The following CSMD1 variants were observed in gnomAD, a reference collection of about 807,000 sequenced individuals.
CSMD1 encodes CUB and Sushi multiple domains 1, also known as CUB and sushi domain-containing protein 1.
Under a neutral mutation model 417.5 loss-of-function variants are expected in CSMD1, and 213 were observed. The ratio of observed to expected loss-of-function variants is 0.51; its 90% CI spans 0.46 to 0.57. The LOEUF is 0.57. Among genes scored for constraint, CSMD1 ranks in the 20% least tolerant of loss-of-function variants. The pLI is 0.00. For synonymous variants in CSMD1, 2,862 were observed against 1,736.8 expected (o/e 1.65, Z -16.11); for missense variants, 6,923 against 4,529.7 (o/e 1.53, Z -15.17).
chr8:4,151,605 G>C (rs1464637669), intron 3 of CSMD1, among the ~76,000 whole-genome samples: 3 of 152,090 alleles, frequency 2.0e-5, no homozygotes, highest in Admixed American at 6.6e-5. Flanking sequence ...GTTTCTCATG[G>C]ATTGTGACAT....
At chr8:3,712,396 GAGAGACAGACAGACAGACAGACAGAC>G (rs1259118236) in intron 6 of CSMD1, among the ~76,000 whole-genome samples, 1 of 63,924 alleles carries the variant, frequency 1.6e-5, no homozygotes, top group Non-Finnish European at 3.3e-5. Flanking sequence ...GAGAGAGAGA[GAGAGACAGACAGACAGACAGACAGAC>G]AGACAGACAG....
chr8:4,116,968 G>A (rs73658582), intron 3 of CSMD1, among the ~76,000 whole-genome samples: 29,252 of 151,942 alleles, frequency 0.19, 2,987 homozygotes, highest in East Asian at 0.33. Flanking sequence ...AGGCTGGTAA[G>A]AGGCTACACC....
chr8:4,138,787 C>G (rs924651122), intron 3 of CSMD1, among the ~76,000 whole-genome samples: 4 of 152,112 alleles, frequency 2.6e-5, no homozygotes, highest in African/African-American at 9.7e-5. Flanking sequence ...ACACTATGAA[C>G]AGTGGCTTTC....
intron 5 of CSMD1, among the ~76,000 whole-genome samples, chr8:3,893,339 T>TTTTATATATATATATATATATATATA (rs1554476820): frequency 1.9e-4 from 15 of 80,458 alleles, no homozygotes; most frequent in South Asian, 1.1e-3. Context: ...ATTCACAATT[T>TTTTATATATATATATATATATATATA]TATATATATA....
chr8:4,373,132 C>A (rs1285152292), intron 3 of CSMD1, among the ~76,000 whole-genome samples: 3 of 152,150 alleles, frequency 2.0e-5, no homozygotes, highest in African/African-American at 7.2e-5. Flanking sequence ...AGAAAAACAT[C>A]AGACACCTCC....
intron 3 of CSMD1, among the ~76,000 whole-genome samples, chr8:4,227,659 C>G (rs180750728): frequency 6.6e-6 from 1 of 152,126 alleles, no homozygotes; most frequent in African/African-American, 2.4e-5. Flanking sequence ...GCCAGTGATC[C>G]TCCTGGCAGA....
intron 2 of CSMD1, among the ~76,000 whole-genome samples, chr8:4,456,776 C>A (rs140384314): frequency 6.6e-6 from 1 of 152,228 alleles, no homozygotes; most frequent in Non-Finnish European, 1.5e-5. Flanking sequence ...ACCCATCTGA[C>A]AACCTACGAG....
intron 1 of CSMD1, among the ~76,000 whole-genome samples, chr8:4,949,466 G>C (rs1038301529): frequency 9.9e-5 from 15 of 152,118 alleles, no homozygotes; most frequent in African/African-American, 3.6e-4. Context: ...TTCAACCACT[G>C]CCTCATCTAA....
chr8:3,880,298 T>A (rs928066576), intron 5 of CSMD1, among the ~76,000 whole-genome samples: 1 of 152,198 alleles, frequency 6.6e-6, no homozygotes, highest in Non-Finnish European at 1.5e-5. Context: ...TGATATTAGA[T>A]TACATTTTTC....
chr8:4,358,460 G>C (rs1032280579), intron 3 of CSMD1, among the ~76,000 whole-genome samples: 3 of 152,206 alleles, frequency 2.0e-5, no homozygotes, highest in Admixed American at 6.5e-5. Context: ...CCTGGGGGGA[G>C]CTGCCACTGG....
chr8:3,031,188 T>C (rs1810316992), intron 50 of CSMD1, among the ~76,000 whole-genome samples: 1 of 151,758 alleles, frequency 6.6e-6, no homozygotes, highest in South Asian at 2.1e-4. Flanking sequence ...TCTGACTGCA[T>C]ATTTCAAATA....
At position 3,246,869 on chromosome 8, in the gene CSMD1, A is replaced by G. The variant is rs139666688; in HGVS notation, c.4154-16638T>C. Reference sequence around the variant, plus strand: ...CATGGTGCCATTTTAGCGGTTGATTAAAAATTTTTGGAATTAGAGTTCCAA... The same window carrying G: ...CATGGTGCCATTTTAGCGGTTGATTGAAAATTTTTGGAATTAGAGTTCCAA... On this transcript the variant is annotated intron_variant, in intron 26 of 69. Coordinates refer to ENST00000635120, the MANE Select transcript of CSMD1 (RefSeq NM_033225.6). Among the ~76,000 whole-genome samples, 85 of 152,366 alleles carry G rather than the reference A, an allele frequency of 5.6e-4. 1 individual carries two copies. In the East Asian group the frequency reaches 0.015, roughly 28 times the overall value.
At chr8:4,635,289 C>G (rs1447098846) in intron 2 of CSMD1, among the ~76,000 whole-genome samples, 3 of 152,236 alleles carry the variant, frequency 2.0e-5, no homozygotes, top group South Asian at 4.2e-4. Context: ...CACTCAAACT[C>G]CAAAATGAAA....
chr8:3,308,475 C>A lies in CSMD1; in HGVS notation c.3660G>T (p.Pro1220=), dbSNP rs181192444. The A allele has an allele frequency of 1.1e-5, 18 of 1,612,950 alleles. No individual in the cohort carries two copies. Among genetic ancestry groups the A allele is most frequent in the Non-Finnish European group, 1.4e-5 (16 of 1,179,326 alleles). The part of the protein sequence containing the change: ...TSFDLVKCED[P]GIPNYGYRIR... ...TCCTATAGCCGTAGTTAGGGATGCCCGGATCCTCACATTTTACCAGATCAA... is the reference window on the plus strand; with the variant it reads ...TCCTATAGCCGTAGTTAGGGATGCCAGGATCCTCACATTTTACCAGATCAA... Residue 1220 remains proline, a synonymous_variant, in exon 24 of 70, where the codon CCG becomes CCT. Transcript: ENST00000635120.
chr8:3,970,372 A>G (rs1472649071), intron 5 of CSMD1, among the ~76,000 whole-genome samples: 2 of 152,192 alleles, frequency 1.3e-5, no homozygotes, highest in Non-Finnish European at 2.9e-5. Flanking sequence ...TGCAACTCCG[A>G]CCAAACAGTA....
In CSMD1 at chr8:4,363,759, A is replaced by G. The variant is rs74419508; in HGVS notation, c.415+56194T>C. On this transcript the variant is annotated intron_variant, in intron 3 of 69. Transcript: ENST00000635120. ...TGCAAAAGACAGGATCTCATTTTTC[A>G]TGGCTGAATAGTACTCCACTATGTA... 6.6e-5 allele frequency among the ~76,000 whole-genome samples: 10 copies of G among 152,276 alleles called. No homozygotes were observed. In the East Asian group the frequency reaches 1.7e-3, roughly 26 times the overall value.
chr8:3,100,621 T>A (rs1354398582), intron 46 of CSMD1, among the ~76,000 whole-genome samples: 5 of 152,174 alleles, frequency 3.3e-5, no homozygotes, highest in Non-Finnish European at 7.3e-5. Flanking sequence ...CTTGCCTCTC[T>A]CAGACATCAC....
chr8:3,205,033 G>A (rs1205646593), intron 31 of CSMD1, among the ~76,000 whole-genome samples: 3 of 152,188 alleles, frequency 2.0e-5, no homozygotes, highest in Non-Finnish European at 4.4e-5. Flanking sequence ...AAACAGTCAA[G>A]ACTCTGCCTG....
chr8:4,424,454 A>G (rs1585052753), intron 2 of CSMD1, among the ~76,000 whole-genome samples: 3 of 152,030 alleles, frequency 2.0e-5, no homozygotes, highest in African/African-American at 7.2e-5. Context: ...ACATCAATAG[A>G]CATCAGAGGA....
Sources: gnomAD v4.1 joint callset for allele counts (sites outside exome capture counted in the v4.1 genomes callset) on GRCh38, gnomAD v4.1.1 for gene constraint, MANE v1.5 for transcripts, NCBI Gene and HGNC (gene_info 2026-07-23, HGNC 2026-07-21) for gene names.